Variants in SNX7 observed in about 807,000 individuals in gnomAD.
SNX7 encodes sorting nexin-7.
Under a neutral mutation model 48.4 loss-of-function variants are expected in SNX7, and 35 were observed. The ratio of observed to expected loss-of-function variants is 0.72; its 90% CI spans 0.55 to 0.96. The LOEUF (loss-of-function observed/expected upper bound fraction) is 0.96. Among genes scored for constraint, SNX7 ranks in the 40% least tolerant of loss-of-function variants. The pLI is 0.00. For missense variants in SNX7, 553 were observed against 548.9 expected (o/e 1.01, Z -0.07); for synonymous variants, 190 against 190.2 (o/e 1.00, Z 0.01).
chr1:98,669,220 C>T (rs1032843803), intron 1 of SNX7, among the ~76,000 whole-genome samples: 1 of 152,182 alleles, frequency 6.6e-6, no homozygotes, highest in Non-Finnish European at 1.5e-5. Context: ...CATGCACTCT[C>T]CATGTCTGTT....
Position 98,706,473 on chromosome 1 carries a change from C to G in SNX7, c.1125+4570C>G, listed in dbSNP as rs1247028965. 3.3e-5 allele frequency among the ~76,000 whole-genome samples: 5 copies of G among 152,228 alleles called. No individual in the cohort carries two copies. The East Asian group carries it at 9.7e-4, about 29-fold the overall frequency. On this transcript the variant is annotated intron_variant, in intron 7 of 8. Coordinates refer to ENST00000306121, the MANE Select transcript of SNX7 (RefSeq NM_015976.5). ...AGAGTTGTGGGAAATGAAGTCAGGT[C>G]TAACCAGGGGTTAGACCATATAGAG...
chr1:98,754,916 C>T (rs1654768203), intron 8 of SNX7, among the ~76,000 whole-genome samples: 1 of 151,458 alleles, frequency 6.6e-6, no homozygotes, highest in Non-Finnish European at 1.5e-5. Flanking sequence ...GAAATCTTTC[C>T]TCTTTTCATG....
Position 98,701,921 on chromosome 1 carries a change from T to C in SNX7, c.1125+18T>C. ...CTGATCTGGTAAGTTTTTAAGTTTC[T>C]TGATACAATCATATAGAATTCATTG... On this transcript the variant is annotated intron_variant, in intron 7 of 8. Transcript: ENST00000306121. The C allele has an allele frequency of 1.9e-6, 3 of 1,550,422 alleles. No individual in the cohort carries two copies. Among genetic ancestry groups the C allele is most frequent in the Non-Finnish European group, 2.7e-6 (3 of 1,128,402 alleles).
intron 8 of SNX7, among the ~76,000 whole-genome samples, chr1:98,756,425 T>TTTTG (rs1654855670): frequency 7.1e-6 from 1 of 140,704 alleles, no homozygotes; most frequent in Non-Finnish European, 1.5e-5. Context: ...CAGATGAGTT[T>TTTTG]TTTTTTTTTT....
At chr1:98,683,367 G>A (rs1362468951) in intron 1 of SNX7, among the ~76,000 whole-genome samples, 1 of 152,128 alleles carries the variant, frequency 6.6e-6, no homozygotes, top group Non-Finnish European at 1.5e-5. Flanking sequence ...TTTTCTCCAA[G>A]ATCAGCTAAG....
At chr1:98,735,298 C>T (rs1553205583) in intron 7 of SNX7, among the ~76,000 whole-genome samples, 1 of 151,990 alleles carries the variant, frequency 6.6e-6, no homozygotes, top group Non-Finnish European at 1.5e-5. Context: ...GTGTTTTGTG[C>T]TTATTATGTT....
intron 7 of SNX7, among the ~76,000 whole-genome samples, chr1:98,710,998 A>T (rs1295011223): frequency 6.6e-6 from 1 of 152,164 alleles, no homozygotes; most frequent in Non-Finnish European, 1.5e-5. Context: ...TCATAGTGTT[A>T]TAAAACATTA....
At chr1:98,681,147 C>T (rs1317706079) in intron 1 of SNX7, among the ~76,000 whole-genome samples, 1 of 152,214 alleles carries the variant, frequency 6.6e-6, no homozygotes, top group East Asian at 1.9e-4. Flanking sequence ...TGGATGGCAG[C>T]AGGCCGAAAG....
At chr1:98,676,343 A>C (rs1365216740) in intron 1 of SNX7, among the ~76,000 whole-genome samples, 1 of 152,132 alleles carries the variant, frequency 6.6e-6, no homozygotes, top group Non-Finnish European at 1.5e-5. Flanking sequence ...TATTTCACTG[A>C]ATTTTTTTTG....
intron 2 of SNX7, among the ~76,000 whole-genome samples, chr1:98,686,465 G>T (rs542724917): frequency 6.6e-6 from 1 of 152,260 alleles, no homozygotes; most frequent in Admixed American, 6.5e-5. Flanking sequence ...TATGTGAATA[G>T]ATGTTTATTT....
At chr1:98,688,630 T>C (rs558900858) in intron 2 of SNX7, among the ~76,000 whole-genome samples, 22 of 152,310 alleles carry the variant, frequency 1.4e-4, no homozygotes, top group Admixed American at 6.5e-4. Context: ...GACTGAAGGT[T>C]GGTATTTTTG....
At chr1:98,757,470 A>G (rs1654908134) in intron 8 of SNX7, among the ~76,000 whole-genome samples, 1 of 151,638 alleles carries the variant, frequency 6.6e-6, no homozygotes, top group Non-Finnish European at 1.5e-5. Flanking sequence ...CTGTGGCCAG[A>G]TTTCCTCTTC....
Position 98,696,203 on chromosome 1 carries a change from T to A in SNX7, c.838+487T>A, listed in dbSNP as rs909273401. On this transcript the variant is annotated intron_variant, in intron 5 of 8. Transcript: ENST00000306121. ...TTAGTTTATAAATCAGAATTGTTGGTGAATTTTTTTCTAATTCTAATCACG... is the reference window on the plus strand; with the variant it reads ...TTAGTTTATAAATCAGAATTGTTGGAGAATTTTTTTCTAATTCTAATCACG... Among the ~76,000 whole-genome samples the A allele has an allele frequency of 4.1e-4, 63 of 151,926 alleles. 1 individual carries two copies. The highest frequency in any genetic ancestry group is 4.0e-3 in the Admixed American group (61 of 15,238).
intron 2 of SNX7, among the ~76,000 whole-genome samples, chr1:98,687,749 G>C (rs1650885629): frequency 6.6e-6 from 1 of 152,102 alleles, no homozygotes; most frequent in Non-Finnish European, 1.5e-5. Context: ...ATAAAGGCGG[G>C]ACATTTAATT....
At chr1:98,670,473 A>C (rs1649789973) in intron 1 of SNX7, among the ~76,000 whole-genome samples, 1 of 152,228 alleles carries the variant, frequency 6.6e-6, no homozygotes, top group African/African-American at 2.4e-5. Context: ...AGCCAATCGT[A>C]TATAGTCATG....
rs1465480266 is a variant in SNX7, at chr1:98,691,635, T to C, written c.575T>C (p.Ile192Thr). Residue 192 changes from isoleucine to threonine, a missense_variant, in exon 4 of 9, where the codon ATT becomes ACT. Coordinates refer to ENST00000306121, the MANE Select transcript of SNX7 (RefSeq NM_015976.5). Reference protein sequence around the residue: ...RKALHKFLNRIADHPTLTFNE... With the variant: ...RKALHKFLNRTADHPTLTFNE... ...GCTTTACATAAATTTTTGAACCGAA[T>C]TGCTGATCATCCAACTTTAACATTT... The C allele has an allele frequency of 6.2e-7, 1 of 1,611,406 alleles. No homozygotes were observed. Among genetic ancestry groups the C allele is most frequent in the South Asian group, 1.1e-5 (1 of 90,836 alleles).
chr1:98,685,063 C>A lies in SNX7; in HGVS notation c.359C>A (p.Thr120Asn). 1 of 1,467,994 alleles carries A rather than the reference C, an allele frequency of 6.8e-7. No individual in the cohort carries two copies. The highest frequency in any genetic ancestry group is 9.1e-7 in the Non-Finnish European group (1 of 1,098,524). The allele number at this position is 1,467,994 out of a possible 1,614,324, so 90.9% of individuals were successfully genotyped here. A position where few individuals can be genotyped will look rare whatever the true frequency, so the allele number is the denominator to read the frequency against. ...ACTTTCATTACGTATAGGATTATTA[C>A]TAAGGTAAACATTTGGTGAATATTT... ...IETFITYRII[T>N]KTSRGEFDSS... is the part of the protein sequence containing the mutation. The change falls in exon 2 of 9, where the codon ACT becomes AAT. Residue 120 changes from threonine to asparagine, a missense_variant. Transcript: ENST00000306121.
At chr1:98,705,152 TGGTTAGTTGCAAAGTG>T (rs1651948787) in intron 7 of SNX7, among the ~76,000 whole-genome samples, 1 of 152,208 alleles carries the variant, frequency 6.6e-6, no homozygotes, top group South Asian at 2.1e-4. Flanking sequence ...ATGCATTACA[TGGTTAGTTGCAAAGTG>T]GCTCCTTCTT....
rs1652943316 is a variant in SNX7, at chr1:98,722,625, G to A, written c.1126-15612G>A. 2.0e-5 allele frequency among the ~76,000 whole-genome samples: 3 copies of A among 151,908 alleles called. No individual in the cohort carries two copies. The South Asian group carries it at 6.3e-4, about 32-fold the overall frequency. ...AGAAATTTTTAGCATTTGAATAAAT[G>A]GATTGAATGGTTGATTTTTTTTTCC... On this transcript the variant is annotated intron_variant, in intron 7 of 8. Coordinates refer to ENST00000306121, the MANE Select transcript of SNX7 (RefSeq NM_015976.5).
Sources: gnomAD v4.1 joint callset for allele counts (sites outside exome capture counted in the v4.1 genomes callset) on GRCh38, gnomAD v4.1.1 for gene constraint, MANE v1.5 for transcripts, NCBI Gene and HGNC (gene_info 2026-07-23, HGNC 2026-07-21) for gene names.